The following DCC variants were observed in gnomAD, a reference collection of about 807,000 sequenced individuals.
The protein encoded by DCC is DCC netrin 1 receptor, also known as netrin receptor DCC.
In DCC, 58 loss-of-function variants were observed where a neutral mutation model predicts 172.5. The ratio of observed to expected loss-of-function variants is 0.34; its 90% CI spans 0.27 to 0.42. The LOEUF is 0.42. DCC is among the 10% of genes least tolerant of loss of function. DCC has a pLI of 1.00. For missense variants in DCC, 1,740 were observed against 1,791.0 expected, an observed-to-expected ratio of 0.97 and a Z score of 0.51; for synonymous variants, 709 against 644.5, an observed-to-expected ratio of 1.10 and a Z score of -1.52.
intron 15 of DCC, among the ~76,000 whole-genome samples, chr18:53,365,249 A>G (rs1278772931): frequency 8.0e-6 from 1 of 125,496 alleles, no homozygotes; most frequent in African/African-American, 3.2e-5. Flanking sequence ...TACGAAGGAC[A>G]TGAACTCATC....
intron 15 of DCC, among the ~76,000 whole-genome samples, chr18:53,346,005 T>A (rs1016026928): frequency 5.9e-5 from 9 of 152,046 alleles, no homozygotes; most frequent in African/African-American, 1.7e-4. Flanking sequence ...TATTATTATT[T>A]TTTCCTGAGA....
intron 15 of DCC, among the ~76,000 whole-genome samples, chr18:53,368,227 G>T (rs11877400): frequency 0.47 from 71,931 of 151,894 alleles, 17,728 homozygotes; most frequent in Non-Finnish European, 0.54. Context: ...ATTGGCCATT[G>T]TATATCCTCT....
At chr18:52,485,762 A>G (rs1318420136) in intron 1 of DCC, among the ~76,000 whole-genome samples, 1 of 152,182 alleles carries the variant, frequency 6.6e-6, no homozygotes, top group African/African-American at 2.4e-5. Context: ...TGTTTCAATG[A>G]CAGAAAGAGA....
At chr18:52,796,597 T>C (rs1394991898) in intron 2 of DCC, among the ~76,000 whole-genome samples, 1 of 152,182 alleles carries the variant, frequency 6.6e-6, no homozygotes, top group African/African-American at 2.4e-5. Flanking sequence ...TCTAGTATTT[T>C]TGGCTAAAAG....
intron 5 of DCC, among the ~76,000 whole-genome samples, chr18:53,053,432 G>A (rs1477504359): frequency 1.3e-5 from 2 of 152,032 alleles, no homozygotes; most frequent in African/African-American, 4.8e-5. Context: ...ATGTGTCGAT[G>A]TATATACTAG....
chr18:53,170,572 A>G lies in DCC; in HGVS notation c.1419-8390A>G, dbSNP rs140842021. Among the ~76,000 whole-genome samples, 744 of 152,252 alleles carry G rather than the reference A, an allele frequency of 4.9e-3. 6 individuals carry two copies. The highest frequency in any genetic ancestry group is 0.017 in the African/African-American group (695 of 41,560). ...TGGAAAAGTCCCCTTCTTGGACGCA[A>G]TAGATTTATTTCTTATGAAGTTGTG... On this transcript the variant is annotated intron_variant, in intron 8 of 28. Coordinates refer to ENST00000442544, the MANE Select transcript of DCC (RefSeq NM_005215.4).
chr18:52,700,252 A>G (rs1336730619), intron 1 of DCC, among the ~76,000 whole-genome samples: 10 of 147,476 alleles, frequency 6.8e-5, no homozygotes, highest in African/African-American at 2.5e-4. Context: ...ACACTCACAC[A>G]CGCACATCCA....
At chr18:52,955,693 CA>C (rs2040731466) in intron 5 of DCC, among the ~76,000 whole-genome samples, 1 of 152,158 alleles carries the variant, frequency 6.6e-6, no homozygotes, top group Non-Finnish European at 1.5e-5. Flanking sequence ...TCTTGCTCCA[CA>C]ACCTGGCCAG....
intron 8 of DCC, among the ~76,000 whole-genome samples, chr18:53,161,927 A>G (rs906047733): frequency 6.6e-6 from 1 of 152,220 alleles, no homozygotes; most frequent in African/African-American, 2.4e-5. Context: ...TTATGGAAAT[A>G]AAGTATTTCA....
intron 1 of DCC, among the ~76,000 whole-genome samples, chr18:52,671,626 G>A (rs962775634): frequency 2.3e-4 from 32 of 141,582 alleles, no homozygotes; most frequent in Admixed American, 3.0e-4. Context: ...TGCAGCCTCC[G>A]CCTCCCAGGT....
At chr18:53,388,687 G>A (rs1289101092) in intron 16 of DCC, among the ~76,000 whole-genome samples, 1 of 152,206 alleles carries the variant, frequency 6.6e-6, no homozygotes, top group Non-Finnish European at 1.5e-5. Flanking sequence ...ATGAAAAGAA[G>A]AAGACTAATA....
chr18:52,655,206 T>G (rs1034397148), intron 1 of DCC, among the ~76,000 whole-genome samples: 1 of 152,162 alleles, frequency 6.6e-6, no homozygotes, highest in African/African-American at 2.4e-5. Context: ...CAGTTGTTGT[T>G]GATGAACAAC....
At chr18:52,916,859 AT>A (rs576761151) in intron 3 of DCC, among the ~76,000 whole-genome samples, 34 of 152,292 alleles carry the variant, frequency 2.2e-4, no homozygotes, top group African/African-American at 7.7e-4. Context: ...TGCAGAAAGT[AT>A]TTTTAAATTA....
chr18:52,594,745 G>A (rs2033872202), intron 1 of DCC, among the ~76,000 whole-genome samples: 1 of 152,080 alleles, frequency 6.6e-6, no homozygotes, highest in Admixed American at 6.5e-5. Context: ...ACATCACATG[G>A]CAAAAACAGG....
intron 1 of DCC, among the ~76,000 whole-genome samples, chr18:52,638,366 G>T (rs892626823): frequency 1.3e-5 from 2 of 152,006 alleles, no homozygotes; most frequent in Admixed American, 1.3e-4. Flanking sequence ...AATGTAAATG[G>T]CTTAAATGCT....
At chr18:52,411,155 T>C (rs1254206145) in intron 1 of DCC, among the ~76,000 whole-genome samples, 1 of 152,162 alleles carries the variant, frequency 6.6e-6, no homozygotes, top group African/African-American at 2.4e-5. Flanking sequence ...TTACTACGGT[T>C]TGCATGCAAC....
intron 1 of DCC, among the ~76,000 whole-genome samples, chr18:52,542,465 T>A (rs994718093): frequency 4.6e-5 from 7 of 151,974 alleles, no homozygotes; most frequent in Non-Finnish European, 8.8e-5. Context: ...ATTTCTGTTT[T>A]AAAAAAAACC....
chr18:53,225,811 G>T (rs2056017945), intron 12 of DCC, among the ~76,000 whole-genome samples: 1 of 152,166 alleles, frequency 6.6e-6, no homozygotes, highest in Non-Finnish European at 1.5e-5. Context: ...CCCCATGGTT[G>T]ATTGCTCAGT....
At chr18:53,239,015 AG>A (rs1173048530) in intron 12 of DCC, among the ~76,000 whole-genome samples, 3 of 117,768 alleles carry the variant, frequency 2.5e-5, no homozygotes, top group African/African-American at 9.9e-5. Flanking sequence ...GGACACAGGA[AG>A]GGGGACATCA....
Sources: allele counts gnomAD v4.1 joint callset (sites outside exome capture counted in the v4.1 genomes callset), GRCh38; gene constraint gnomAD v4.1.1; transcripts MANE v1.5; gene names NCBI Gene and HGNC (gene_info 2026-07-23, HGNC 2026-07-21).